MYRIP: variants seen among roughly 807,000 people sequenced by gnomAD.
MYRIP encodes myosin VIIA and Rab interacting protein, also known as rab effector MyRIP.
Under a neutral mutation model 98.0 loss-of-function variants are expected in MYRIP, and 49 were observed. The observed-to-expected ratio is 0.50, with a 90% CI of 0.40 to 0.63. The LOEUF is 0.63. Ranked by LOEUF, MYRIP falls within the 30% of genes least tolerant of loss-of-function variation. MYRIP has a pLI of 0.00. For missense variants in MYRIP, 1,004 were observed against 1,058.2 expected (o/e 0.95, Z 0.71); for synonymous variants, 404 against 409.5 (o/e 0.99, Z 0.16).
chr3:39,958,404 A>C (rs1945226815), intron 2 of MYRIP, among the ~76,000 whole-genome samples: 1 of 152,202 alleles, frequency 6.6e-6, no homozygotes, highest in Non-Finnish European at 1.5e-5. Flanking sequence ...TCTTTGACAA[A>C]CCTGAGAAAA....
chr3:40,095,609 C>T (rs1373305286), intron 3 of MYRIP, among the ~76,000 whole-genome samples: 2 of 152,064 alleles, frequency 1.3e-5, no homozygotes, highest in Non-Finnish European at 2.9e-5. Flanking sequence ...CTGAGAAATG[C>T]GTGGGCAGGG....
intron 1 of MYRIP, among the ~76,000 whole-genome samples, chr3:39,815,762 C>T (rs1247753699): frequency 6.6e-6 from 1 of 152,100 alleles, no homozygotes; most frequent in Admixed American, 6.5e-5. Flanking sequence ...GATAGTGGAC[C>T]TCCCAGTCTG....
intron 3 of MYRIP, among the ~76,000 whole-genome samples, chr3:40,068,055 G>C (rs1361016560): frequency 6.6e-6 from 1 of 152,104 alleles, no homozygotes; most frequent in Non-Finnish European, 1.5e-5. Context: ...TGAACATTGG[G>C]CGTTTCTTCT....
chr3:39,936,500 C>A (rs1575394950), intron 2 of MYRIP, among the ~76,000 whole-genome samples: 1 of 152,112 alleles, frequency 6.6e-6, no homozygotes, highest in African/African-American at 2.4e-5. Context: ...TATCTCCAAG[C>A]AGCAAACAAG....
chr3:40,080,197 G>T (rs1255442337), intron 3 of MYRIP, among the ~76,000 whole-genome samples: 2 of 152,160 alleles, frequency 1.3e-5, no homozygotes, highest in Non-Finnish European at 2.9e-5. Context: ...TGAGTGGATA[G>T]TTTTCCTTCT....
chr3:40,099,927 T>A, intron 3 of MYRIP: 1 of 906,124 alleles, frequency 1.1e-6, no homozygotes, highest in Non-Finnish European at 1.3e-6. Context: ...CTCTCCCTGT[T>A]GCACATGTGT....
chr3:40,129,313 C>T (rs993690432), intron 3 of MYRIP, among the ~76,000 whole-genome samples: 10 of 150,984 alleles, frequency 6.6e-5, no homozygotes, highest in East Asian at 1.9e-4. Context: ...TAGTGGGGGG[C>T]GCCTGTAATC....
Position 40,250,332 on chromosome 3 carries a change from T to A in MYRIP, c.2367+6T>A. 1 of 1,613,546 alleles carries A rather than the reference T, an allele frequency of 6.2e-7. No homozygotes were observed. Among genetic ancestry groups the A allele is most frequent in the Non-Finnish European group, 8.5e-7 (1 of 1,179,454 alleles). On this transcript the variant is annotated splice_donor_region_variant and intron_variant, in intron 14 of 16. Transcript: ENST00000302541. ...ATCAGAAGCAAAGGACCCAGGTGTG[T>A]TTGTCCCTTTCTCCCTCTGTTGGAA...
chr3:39,912,136 C>A (rs2125681535), intron 2 of MYRIP, among the ~76,000 whole-genome samples: 1 of 152,288 alleles, frequency 6.6e-6, no homozygotes, highest in African/African-American at 2.4e-5. Context: ...GTCTGACTTA[C>A]AGGCTCCCAT....
chr3:39,943,505 A>G (rs1944835752), intron 2 of MYRIP, among the ~76,000 whole-genome samples: 1 of 152,084 alleles, frequency 6.6e-6, no homozygotes, highest in African/African-American at 2.4e-5. Flanking sequence ...TCATGACTCC[A>G]TATGCTGTGG....
intron 4 of MYRIP, among the ~76,000 whole-genome samples, chr3:40,161,715 G>A (rs773709827): frequency 7.9e-5 from 12 of 151,956 alleles, no homozygotes; most frequent in Non-Finnish European, 1.0e-4. Flanking sequence ...CTTTCTCACC[G>A]CAGGTCAACT....
intron 2 of MYRIP, among the ~76,000 whole-genome samples, chr3:39,984,545 AG>A (rs1347472695): frequency 1.3e-5 from 2 of 152,204 alleles, no homozygotes; most frequent in Non-Finnish European, 2.9e-5. Flanking sequence ...GTCCCTACAA[AG>A]GACATAAACG....
At chr3:39,952,059 T>C (rs1020174434) in intron 2 of MYRIP, among the ~76,000 whole-genome samples, 13 of 152,296 alleles carry the variant, frequency 8.5e-5, no homozygotes, top group African/African-American at 2.9e-4. Context: ...ATTCAGCCTC[T>C]TCCCACCCTG....
intron 1 of MYRIP, among the ~76,000 whole-genome samples, chr3:39,842,633 A>G (rs1244675958): frequency 1.3e-5 from 2 of 152,160 alleles, no homozygotes; most frequent in African/African-American, 4.8e-5. Context: ...TGCAGAGACC[A>G]TGGGAAAAGC....
intron 1 of MYRIP, among the ~76,000 whole-genome samples, chr3:39,887,816 C>T (rs1559510324): frequency 6.6e-6 from 1 of 152,158 alleles, no homozygotes; most frequent in African/African-American, 2.4e-5. Flanking sequence ...AGCTGATAAA[C>T]AACTTCAGCA....
chr3:40,180,434 G>A (rs1360058976), intron 8 of MYRIP, among the ~76,000 whole-genome samples: 1 of 152,216 alleles, frequency 6.6e-6, no homozygotes, highest in Non-Finnish European at 1.5e-5. Flanking sequence ...GTCTAGTGGG[G>A]GCCCCAGGCC....
intron 3 of MYRIP, among the ~76,000 whole-genome samples, chr3:40,077,406 C>A (rs1346304211): frequency 6.6e-6 from 1 of 152,096 alleles, no homozygotes; most frequent in Non-Finnish European, 1.5e-5. Flanking sequence ...ATTTACGATC[C>A]CTGAGCTAGA....
At chr3:39,928,194 C>T (rs1242015608) in intron 2 of MYRIP, among the ~76,000 whole-genome samples, 1 of 151,842 alleles carries the variant, frequency 6.6e-6, no homozygotes, top group East Asian at 1.9e-4. Context: ...TAGCCCCTGT[C>T]CCCAAAAATA....
intron 2 of MYRIP, among the ~76,000 whole-genome samples, chr3:39,976,212 A>C (rs1022644305): frequency 6.6e-6 from 1 of 151,884 alleles, no homozygotes; most frequent in African/African-American, 2.4e-5. Context: ...AGAAAAAAAA[A>C]CCCCATCAAC....
Sources: gnomAD v4.1 joint callset for allele counts (sites outside exome capture counted in the v4.1 genomes callset) on GRCh38, gnomAD v4.1.1 for gene constraint, MANE v1.5 for transcripts, NCBI Gene and HGNC (gene_info 2026-07-23, HGNC 2026-07-21) for gene names.